The following FLNB variants were observed in gnomAD, a reference collection of about 807,000 sequenced individuals.
FLNB encodes the protein filamin B.
A neutral mutation model predicts 250.6 loss-of-function variants in FLNB; 111 were observed. The ratio of observed to expected loss-of-function variants is 0.44; its 90% CI spans 0.38 to 0.52. FLNB has a LOEUF of 0.52. FLNB is among the 20% of genes least tolerant of loss of function. The pLI, the probability that FLNB is intolerant of heterozygous loss-of-function variation, is 0.00. For synonymous variants in FLNB, 1,302 were observed against 1,372.1 expected, an observed-to-expected ratio of 0.95 and a Z score of 1.13; for missense variants, 2,869 against 3,447.8, an observed-to-expected ratio of 0.83 and a Z score of 4.20.
chr3:58,109,592 G>A lies in FLNB; in HGVS notation c.2216G>A (p.Gly739Asp), dbSNP rs1161322932. 5 of 1,614,114 alleles carry A rather than the reference G, an allele frequency of 3.1e-6. No individual in the cohort carries two copies. Among genetic ancestry groups the A allele is most frequent in the South Asian group, 1.1e-5 (1 of 91,084 alleles). ...CTTCTCTAGGTCAACATCGGGCAAG[G>A]TAGCCATCCTCAGAAGGTCAAAGTG... ...HSPYRVNIGQ[G>D]SHPQKVKVFG... The change falls in exon 15 of 46, where the codon GGT becomes GAT. Residue 739 changes from glycine (G) to aspartate (D), a missense_variant. Coordinates refer to ENST00000295956, the MANE Select transcript of FLNB (RefSeq NM_001457.4).
At chr3:58,121,836 G>A (rs1395767128) in intron 20 of FLNB, among the ~76,000 whole-genome samples, 1 of 152,138 alleles carries the variant, frequency 6.6e-6, no homozygotes, top group Non-Finnish European at 1.5e-5. Context: ...GCTCACAGAC[G>A]GAGCTCACCC....
rs2097202904 is a variant in FLNB, at chr3:58,077,225, A to G, written c.472A>G (p.Ile158Val). ...TCAGAACAAGATCCCCTACTTGCCC[A>G]TCACCAACTTTAACCAGAACTGGCA... ...WIQNKIPYLPITNFNQNWQDG... is the reference protein window; with the variant it reads ...WIQNKIPYLPVTNFNQNWQDG... The change falls in exon 2 of 46, where the codon ATC (isoleucine) becomes GTC (valine). Residue 158 changes from isoleucine (I) to valine (V), a missense_variant. Around this residue, in one of 5 missense-constraint regions of FLNB, gnomAD observed 308 missense variants for 466.1 expected, o/e 0.66. Transcript: ENST00000295956. 1.2e-6 allele frequency: 2 copies of G among 1,614,068 alleles called. No individual in the cohort carries two copies. Among genetic ancestry groups the G allele is most frequent in the Non-Finnish European group, 1.7e-6 (2 of 1,180,028 alleles).
chr3:58,039,310 T>TAAA (rs80189625), intron 1 of FLNB, among the ~76,000 whole-genome samples: 2 of 128,340 alleles, frequency 1.6e-5, no homozygotes, highest in African/African-American at 5.7e-5. Context: ...ATTTGATAGG[T>TAAA]AAAAAAAAAA....
At chr3:58,074,706 T>C (rs1447694755) in intron 1 of FLNB, among the ~76,000 whole-genome samples, 4 of 152,258 alleles carry the variant, frequency 2.6e-5, no homozygotes, top group African/African-American at 9.6e-5. Context: ...TGTGAAGTTC[T>C]TAAGTTTTGG....
rs1397378133 is a variant in FLNB, at chr3:58,153,457, G to C, written c.6450G>C (p.Lys2150Asn). 6.2e-7 allele frequency: 1 copy of C among 1,614,140 alleles called. No homozygotes were observed. The highest frequency in any genetic ancestry group is 8.5e-7 in the Non-Finnish European group (1 of 1,180,052). The change falls in exon 39 of 46, where the codon AAG becomes AAC. Residue 2150 changes from lysine to asparagine, a missense_variant. Transcript: ENST00000295956. ...AGGCAGAGATTGTGCCCATGGGGAA[G>C]AACTCACACTGCGTCCGGTTTGTGC... ...VTEAEIVPMG[K>N]NSHCVRFVPQ...
intron 2 of FLNB, chr3:58,078,390 A>C: frequency 3.3e-6 from 5 of 1,526,864 alleles, no homozygotes; most frequent in Middle Eastern, 3.4e-4. Context: ...ATAGAGTAAA[A>C]AATAAAATCC....
intron 24 of FLNB, 104 bp downstream of exon 24, chr3:58,126,866 T>C (rs938628462): frequency 3.8e-6 from 4 of 1,045,874 alleles, no homozygotes; most frequent in Non-Finnish European, 4.4e-6. Flanking sequence ...CTGATATTTG[T>C]AATAGCTGCA....
chr3:58,013,736 A>G (rs1387716436), intron 1 of FLNB, among the ~76,000 whole-genome samples: 1 of 152,232 alleles, frequency 6.6e-6, no homozygotes, highest in Non-Finnish European at 1.5e-5. Flanking sequence ...AGGCAGGACA[A>G]TAGCTTGAAT....
chr3:58,068,022 A>G (rs1008767053), intron 1 of FLNB, among the ~76,000 whole-genome samples: 3 of 152,242 alleles, frequency 2.0e-5, no homozygotes, highest in Admixed American at 2.0e-4. Flanking sequence ...AGTGCAGGCC[A>G]AAGCCAGGTG....
chr3:58,101,999 G>A (rs1302272774), intron 8 of FLNB, among the ~76,000 whole-genome samples: 1 of 152,194 alleles, frequency 6.6e-6, no homozygotes, highest in Non-Finnish European at 1.5e-5. Flanking sequence ...CAGTCCTTCT[G>A]TGGTGTCACT....
In FLNB at chr3:58,124,456, A is replaced by G. The variant is rs202040508; in HGVS notation, c.3849A>G (p.Thr1283=). Residue 1283 remains threonine (T), a synonymous_variant, in exon 22 of 46, where the codon ACA becomes ACG. Transcript: ENST00000295956. ...GGGCCTCCACCGAGTGCTTTGTCAC[A>G]GACAATGCGGATGGGACCTACCAGG... The part of the protein sequence containing the change: ...PSGASTECFV[T]DNADGTYQVE... The G allele has an allele frequency of 2.5e-6, 4 of 1,614,210 alleles. No homozygotes were observed. The Admixed American group carries it at 6.7e-5, about 27-fold the overall frequency.
intron 43 of FLNB, chr3:58,164,000 CT>C (rs1218463291): frequency 6.6e-6 from 1 of 152,488 alleles, no homozygotes; most frequent in Non-Finnish European, 1.5e-5. Flanking sequence ...GCAAACGGCT[CT>C]GGGAAGGGAG....
At chr3:58,051,559 G>T (rs1197471074) in intron 1 of FLNB, among the ~76,000 whole-genome samples, 1 of 152,166 alleles carries the variant, frequency 6.6e-6, no homozygotes, top group Non-Finnish European at 1.5e-5. Context: ...ATTCCTGTGA[G>T]GTCTAGTTGC....
intron 1 of FLNB, among the ~76,000 whole-genome samples, chr3:58,019,256 T>G (rs1036644073): frequency 4.6e-5 from 7 of 152,208 alleles, no homozygotes; most frequent in Non-Finnish European, 8.8e-5. Context: ...ATCAATGCTA[T>G]TTCTGTACGC....
chr3:58,148,085 TC>T (rs2097338548), intron 34 of FLNB, 120 bp from the exon 35 acceptor site: 1 of 981,738 alleles, frequency 1.0e-6, no homozygotes, highest in Non-Finnish European at 1.6e-6. Flanking sequence ...CATTTTTTTT[TC>T]ACTTAACTTT....
chr3:58,048,243 C>T (rs1039178805), intron 1 of FLNB, among the ~76,000 whole-genome samples: 7 of 152,080 alleles, frequency 4.6e-5, no homozygotes, highest in African/African-American at 1.7e-4. Context: ...TTTTGTCTTT[C>T]GTGACCGTGT....
chr3:58,151,472 G>A (rs1327837817), intron 38 of FLNB: 1 of 151,918 alleles, frequency 6.6e-6, no homozygotes, highest in Non-Finnish European at 1.5e-5. Flanking sequence ...GGTGGGGGGA[G>A]GAAGTGTCAC....
intron 7 of FLNB, 150 bp downstream of exon 7, chr3:58,098,127 T>A (rs1451155295): frequency 1.7e-5 from 14 of 846,320 alleles, no homozygotes; most frequent in Middle Eastern, 3.4e-4. Context: ...TATATTAGAT[T>A]TTTCAAAACC....
At chr3:58,141,669 C>T (rs989974540) in intron 29 of FLNB, among the ~76,000 whole-genome samples, 189 bp from the exon 30 acceptor site, 1 of 152,128 alleles carries the variant, frequency 6.6e-6, no homozygotes, top group South Asian at 2.1e-4. Context: ...ACAGGGCATG[C>T]GCATCTGACA....
Sources: gnomAD v4.1 joint callset for allele counts (sites outside exome capture counted in the v4.1 genomes callset) on GRCh38, gnomAD v4.1.1 for gene constraint, gnomAD v4.1.1 regional missense constraint, MANE v1.5 for transcripts, NCBI Gene and HGNC (gene_info 2026-07-23, HGNC 2026-07-21) for gene names.